SGCZ: variants seen among roughly 807,000 people sequenced by gnomAD.
SGCZ encodes the protein zeta-sarcoglycan.
In SGCZ, 40 loss-of-function variants were observed where a neutral mutation model predicts 41.3. The ratio of observed to expected loss-of-function variants is 0.97; its 90% CI spans 0.75 to 1.26. SGCZ has a LOEUF of 1.26. Ranked by LOEUF, SGCZ falls within the 50% of genes most tolerant of loss-of-function variation. The pLI is 0.00. For missense variants in SGCZ, 552 were observed against 369.8 expected (o/e 1.49, Z -4.04); for synonymous variants, 206 against 137.5 (o/e 1.50, Z -3.49).
chr8:14,826,558 G>C (rs1240997753), intron 1 of SGCZ, among the ~76,000 whole-genome samples: 1 of 152,056 alleles, frequency 6.6e-6, no homozygotes, highest in Non-Finnish European at 1.5e-5. Context: ...CAACAGTGTA[G>C]AAGTGTTCCT....
intron 2 of SGCZ, among the ~76,000 whole-genome samples, chr8:14,411,673 A>C (rs1342587883): frequency 6.6e-6 from 1 of 152,130 alleles, no homozygotes; most frequent in Admixed American, 6.6e-5. Context: ...CATATAATTT[A>C]AACCTCATTA....
chr8:15,082,771 C>A (rs2131047979), intron 1 of SGCZ, among the ~76,000 whole-genome samples: 1 of 152,188 alleles, frequency 6.6e-6, no homozygotes, highest in Middle Eastern at 3.4e-3. Context: ...ACCTAAAGAA[C>A]CATTAATGGA....
intron 5 of SGCZ, among the ~76,000 whole-genome samples, chr8:14,131,626 C>G (rs887624534): frequency 2.6e-5 from 4 of 152,050 alleles, no homozygotes; most frequent in African/African-American, 9.7e-5. Context: ...TTCAGTTTAT[C>G]CTACATCATG....
intron 4 of SGCZ, among the ~76,000 whole-genome samples, chr8:14,196,087 A>C (rs1485719059): frequency 6.6e-6 from 1 of 152,140 alleles, no homozygotes; most frequent in Non-Finnish European, 1.5e-5. Flanking sequence ...TCCAAAATTC[A>C]GGAGAGGAGA....
chr8:14,255,041 G>T (rs929562160), intron 3 of SGCZ, among the ~76,000 whole-genome samples: 4 of 152,252 alleles, frequency 2.6e-5, no homozygotes, highest in Middle Eastern at 3.4e-3. Context: ...GGGCATGGAG[G>T]TGGGTGGATG....
chr8:14,824,767 T>C (rs1412008220), intron 1 of SGCZ, among the ~76,000 whole-genome samples: 1 of 152,118 alleles, frequency 6.6e-6, no homozygotes, highest in Admixed American at 6.5e-5. Context: ...TCCCAAAATA[T>C]CTTCTACATA....
chr8:14,580,890 C>CA (rs1804866798), intron 1 of SGCZ, among the ~76,000 whole-genome samples: 1 of 152,182 alleles, frequency 6.6e-6, no homozygotes, highest in Non-Finnish European at 1.5e-5. Context: ...AGGGCTCACT[C>CA]ATTCAAGCAC....
intron 1 of SGCZ, among the ~76,000 whole-genome samples, chr8:14,677,745 T>C (rs566126448): frequency 4.3e-4 from 65 of 152,192 alleles, no homozygotes; most frequent in Middle Eastern, 6.8e-3. Flanking sequence ...AACTCCAGTA[T>C]GGGCAACAGA....
intron 1 of SGCZ, among the ~76,000 whole-genome samples, chr8:14,992,596 C>G (rs763429868): frequency 1.3e-5 from 2 of 151,112 alleles, no homozygotes; most frequent in African/African-American, 4.9e-5. Context: ...CAATATACTC[C>G]CAAATCTACT....
chr8:14,102,076 T>TTTTA (rs1554456710), intron 7 of SGCZ, among the ~76,000 whole-genome samples: 1 of 119,918 alleles, frequency 8.3e-6, no homozygotes, highest in African/African-American at 3.5e-5. Context: ...TTGGCTAACT[T>TTTTA]TATATATATA....
At chr8:14,694,302 G>C (rs1029286318) in intron 1 of SGCZ, among the ~76,000 whole-genome samples, 2 of 152,092 alleles carry the variant, frequency 1.3e-5, no homozygotes, top group Non-Finnish European at 2.9e-5. Flanking sequence ...TCTTACAAAA[G>C]TGCTCTTTGA....
chr8:14,521,881 G>C (rs1802801104), intron 2 of SGCZ, among the ~76,000 whole-genome samples: 1 of 152,172 alleles, frequency 6.6e-6, no homozygotes, highest in African/African-American at 2.4e-5. Flanking sequence ...CAAGCATAAT[G>C]CTAGCTGTAA....
At chr8:14,503,485 C>T (rs182999214) in intron 2 of SGCZ, among the ~76,000 whole-genome samples, 5 of 152,064 alleles carry the variant, frequency 3.3e-5, no homozygotes, top group South Asian at 2.1e-4. Flanking sequence ...AAAACAATAA[C>T]GCGGCCAGTC....
intron 1 of SGCZ, among the ~76,000 whole-genome samples, chr8:15,068,131 C>G (rs955678281): frequency 2.6e-5 from 4 of 152,158 alleles, no homozygotes; most frequent in Non-Finnish European, 5.9e-5. Flanking sequence ...AACTTTGAAA[C>G]TCTTATAAGG....
chr8:14,356,394 T>C lies in SGCZ; in HGVS notation c.235-32190A>G, dbSNP rs1310219352. Among the ~76,000 whole-genome samples the C allele has an allele frequency of 2.6e-5, 4 of 152,064 alleles. No individual in the cohort carries two copies. In the East Asian group the frequency reaches 7.7e-4, roughly 29 times the overall value. ...TAAAATATGACCTACCAAAAATTCCTACATGCTAGAGAAAAACTACAGAGA... is the reference window on the plus strand; with the variant it reads ...TAAAATATGACCTACCAAAAATTCCCACATGCTAGAGAAAAACTACAGAGA... On this transcript the variant is annotated intron_variant, in intron 2 of 7. Coordinates refer to ENST00000382080, the MANE Select transcript of SGCZ (RefSeq NM_139167.4).
intron 1 of SGCZ, among the ~76,000 whole-genome samples, chr8:14,940,740 G>T (rs1448495659): frequency 6.6e-6 from 1 of 151,894 alleles, no homozygotes; most frequent in Non-Finnish European, 1.5e-5. Flanking sequence ...ATATATGAAT[G>T]AAGTGTGTAT....
intron 1 of SGCZ, among the ~76,000 whole-genome samples, chr8:14,985,438 C>A (rs2130885983): frequency 6.6e-6 from 1 of 152,246 alleles, no homozygotes; most frequent in Admixed American, 6.5e-5. Context: ...CACTTTATTT[C>A]AGGCAACTTT....
At chr8:14,484,692 G>T (rs184260032) in intron 2 of SGCZ, among the ~76,000 whole-genome samples, 217 of 152,210 alleles carry the variant, frequency 1.4e-3, no homozygotes, top group African/African-American at 5.1e-3. Flanking sequence ...TTAAGCAAAA[G>T]AATTATTGTT....
At chr8:14,979,514 G>A (rs1269423039) in intron 1 of SGCZ, among the ~76,000 whole-genome samples, 3 of 152,212 alleles carry the variant, frequency 2.0e-5, no homozygotes, top group African/African-American at 7.2e-5. Context: ...TGCTACAGTT[G>A]TTCAGTGTTG....
Sources: gnomAD v4.1 joint callset for allele counts (sites outside exome capture counted in the v4.1 genomes callset) on GRCh38, gnomAD v4.1.1 for gene constraint, MANE v1.5 for transcripts, NCBI Gene and HGNC (gene_info 2026-07-23, HGNC 2026-07-21) for gene names.